The following ZFPM1 variants were observed in gnomAD, a reference collection of about 807,000 sequenced individuals.
The protein encoded by ZFPM1 is zinc finger protein, FOG family member 1.
A neutral mutation model predicts 46.3 loss-of-function variants in ZFPM1; 28 were observed. The ratio of observed to expected loss-of-function variants is 0.60; its 90% CI spans 0.45 to 0.83. ZFPM1 has a LOEUF of 0.83. Among genes scored for constraint, ZFPM1 ranks in the 40% least tolerant of loss-of-function variants. The probability of loss-of-function intolerance (pLI) is 0.00; values close to 1 mark genes in which losing one functional copy is unlikely to be tolerated. For synonymous variants in ZFPM1, 957 were observed against 675.9 expected (o/e 1.42, Z -6.45); for missense variants, 1,878 against 1,432.4 (o/e 1.31, Z -5.02).
intron 3 of ZFPM1, chr16:88,513,131 T>A (rs573611260): frequency 1.7e-4 from 26 of 152,226 alleles, no homozygotes; most frequent in African/African-American, 6.0e-4. Context: ...GGCGGCCTAG[T>A]GGTCAGAGCC....
chr16:88,524,251 G>A lies in ZFPM1; in HGVS notation c.403-2563G>A, dbSNP rs568243498. ...CCAGGCCCCAGCAGCCTCGCCGAGC[G>A]CTGCCCGCCTGGCTCGGGAGCAGCC... On this transcript the variant is annotated intron_variant, in intron 4 of 9. Coordinates refer to ENST00000319555, the MANE Select transcript of ZFPM1 (RefSeq NM_153813.3). 1.9e-4 allele frequency among the ~76,000 whole-genome samples: 29 copies of A among 152,326 alleles called. 1 individual carries two copies. The highest frequency in any genetic ancestry group is 1.4e-3 in the Admixed American group (21 of 15,308).
intron 3 of ZFPM1, among the ~76,000 whole-genome samples, chr16:88,499,245 C>T (rs1910112815): frequency 1.3e-5 from 2 of 152,254 alleles, no homozygotes; most frequent in Non-Finnish European, 1.5e-5. Flanking sequence ...ACCTGGGCCT[C>T]GAAGTCCCGA....
chr16:88,527,574 C>T (rs1031252454), intron 5 of ZFPM1, among the ~76,000 whole-genome samples: 6 of 152,084 alleles, frequency 3.9e-5, no homozygotes, highest in Admixed American at 6.5e-5. Context: ...ACAGCCCGGG[C>T]GCCCCAGGTG....
At chr16:88,463,613 AGAGAGTTTCAAGGTCAGCCCCAGCCCC>A (rs1262228190) in intron 1 of ZFPM1, among the ~76,000 whole-genome samples, 2 of 152,264 alleles carry the variant, frequency 1.3e-5, no homozygotes, top group Non-Finnish European at 2.9e-5. Flanking sequence ...ACTGACGCTT[AGAGAGTTTCAAGGTCAGCCCCAGCCCC>A]GGAGCTTGAG....
upstream of ZFPM1, among the ~76,000 whole-genome samples, chr16:88,451,861 G>T (rs1907294389): frequency 1.3e-5 from 2 of 152,068 alleles, no homozygotes; most frequent in Non-Finnish European, 2.9e-5. Context: ...CATGGCAGTG[G>T]GGAGGGACGG....
chr16:88,535,150 G>A lies in ZFPM1; in HGVS notation c.*171G>A. ...TGGACCCTTGGCACTTAATAAAGAAGTTCAGTTTGATGAGCATGGTGGTGG... is the reference window on the plus strand; with the variant it reads ...TGGACCCTTGGCACTTAATAAAGAAATTCAGTTTGATGAGCATGGTGGTGG... On this transcript the variant is annotated 3_prime_UTR_variant, in exon 10 of 10. Transcript: ENST00000319555. 2 of 803,182 alleles carry A rather than the reference G, an allele frequency of 2.5e-6. No homozygotes were observed. Among genetic ancestry groups the A allele is most frequent in the Non-Finnish European group, 3.4e-6 (2 of 591,770 alleles). 49.8% of individuals were successfully genotyped at this position (803,182 alleles called of 1,614,324 possible). A position where few individuals can be genotyped will look rare whatever the true frequency, so the allele number is the denominator to read the frequency against.
Position 88,532,151 on chromosome 16 carries a change from A to G in ZFPM1, c.862A>G (p.Asn288Asp), listed in dbSNP as rs1223110938. 2 of 1,612,498 alleles carry G rather than the reference A, an allele frequency of 1.2e-6. No homozygotes were observed. Residue 288 changes from asparagine to aspartate, a missense_variant, in exon 7 of 10, where the codon AAC (asparagine) becomes GAC (aspartate). Transcript: ENST00000319555. ...TDEKPKETYP[N>D]ERVCPFPQCR... ...CGAGAAGCCCAAAGAGACCTACCCC[A>G]ACGAGCGCGTCTGCCCCTTCCCCCA...
chr16:88,453,448 C>G lies in ZFPM1; in HGVS notation c.-191C>G, dbSNP rs1228387988. On this transcript the variant is annotated 5_prime_UTR_variant, in exon 1 of 10. Coordinates refer to ENST00000319555, the MANE Select transcript of ZFPM1 (RefSeq NM_153813.3). ...CGCGCCCGCAACGCAGGACCGTGGC[C>G]TCTCGGGCCTCCGCGGCAGCTCCAG... is the stretch of plus-strand genomic sequence containing the variant. 6.4e-6 allele frequency: 1 copy of G among 157,312 alleles called. No homozygotes were observed. Among genetic ancestry groups the G allele is most frequent in the Admixed American group, 6.8e-5 (1 of 14,650 alleles). The allele number at this position is 157,312 out of a possible 1,614,324, so 9.7% of individuals were successfully genotyped here. A position where few individuals can be genotyped will look rare whatever the true frequency, so the allele number is the denominator to read the frequency against.
At position 88,489,049 on chromosome 16, in the gene ZFPM1, C is replaced by T. The variant is rs766562101; in HGVS notation, c.164C>T (p.Pro55Leu). 17 of 1,612,782 alleles carry T rather than the reference C, an allele frequency of 1.1e-5. No individual in the cohort carries two copies. The highest frequency in any genetic ancestry group is 6.7e-5 in the African/African-American group (5 of 74,914). ...TCTGCAGATGTTAACTCACCCCCAC[C>T]GCTGCCGCCCCCCACATCCCCAGGA... ...PPSADVNSPP[P>L]LPPPTSPGGP... is the part of the protein sequence containing the mutation. Residue 55 changes from proline (P) to leucine (L), a missense_variant, in exon 3 of 10, where the codon CCG (proline) becomes CTG (leucine). Pro to Leu is a moderately conservative substitution (Grantham distance 98). Coordinates refer to ENST00000319555, the MANE Select transcript of ZFPM1 (RefSeq NM_153813.3).
chr16:88,458,368 C>T (rs945604687), intron 1 of ZFPM1, among the ~76,000 whole-genome samples: 5 of 152,204 alleles, frequency 3.3e-5, no homozygotes, highest in African/African-American at 7.2e-5. Context: ...GAGGCTCATC[C>T]GGGCCTTCCT....
At chr16:88,502,375 C>T (rs1236842602) in intron 3 of ZFPM1, among the ~76,000 whole-genome samples, 1 of 152,088 alleles carries the variant, frequency 6.6e-6, no homozygotes, top group Non-Finnish European at 1.5e-5. Context: ...GCCCGGGCGC[C>T]GGGCACTCAG....
chr16:88,500,517 G>A (rs1337901361), intron 3 of ZFPM1, among the ~76,000 whole-genome samples: 1 of 152,276 alleles, frequency 6.6e-6, no homozygotes, highest in African/African-American at 2.4e-5. Context: ...ATTAGAGAGT[G>A]CTGCTGCTGG....
intron 1 of ZFPM1, among the ~76,000 whole-genome samples, chr16:88,455,753 C>T (rs1907523600): frequency 6.6e-6 from 1 of 152,196 alleles, no homozygotes; most frequent in Non-Finnish European, 1.5e-5. Flanking sequence ...GAGATAGGCG[C>T]TTCCATTTAT....
At chr16:88,462,654 G>A (rs1597228044) in intron 1 of ZFPM1, among the ~76,000 whole-genome samples, 2 of 152,222 alleles carry the variant, frequency 1.3e-5, no homozygotes, top group African/African-American at 4.8e-5. Context: ...CCTGTGGGCC[G>A]CCATGGTTGG....
At chr16:88,502,218 GGCC>G (rs1042943149) in intron 3 of ZFPM1, among the ~76,000 whole-genome samples, 5 of 152,112 alleles carry the variant, frequency 3.3e-5, no homozygotes, top group African/African-American at 7.2e-5. Flanking sequence ...GGGACAAAGG[GGCC>G]GCCATCGGCT....
intron 1 of ZFPM1, among the ~76,000 whole-genome samples, chr16:88,483,506 A>C (rs555697743): frequency 4.0e-5 from 6 of 149,440 alleles, no homozygotes; most frequent in African/African-American, 7.5e-5. Flanking sequence ...CTGGTCTCAC[A>C]ACAACCACTG....
At chr16:88,452,035 G>T (rs1907302567), upstream of ZFPM1, among the ~76,000 whole-genome samples, 1 of 152,172 alleles carries the variant, frequency 6.6e-6, no homozygotes, top group African/African-American at 2.4e-5. Flanking sequence ...GCTGGCGGGT[G>T]GTGTGACAGT....
Position 88,535,489 on chromosome 16 carries a change from C to G in ZFPM1, c.*510C>G, listed in dbSNP as rs1913208932. ...AGAGAGGGGCACTGACCTGGCTGGC[C>G]ATCCCCCAACCCTGCATGGTCCTGG... On this transcript the variant is annotated 3_prime_UTR_variant, in exon 10 of 10. Transcript: ENST00000319555. The G allele has an allele frequency of 6.6e-6, 1 of 152,514 alleles. No homozygotes were observed. Among genetic ancestry groups the G allele is most frequent in the Non-Finnish European group, 1.5e-5 (1 of 68,224 alleles). The allele number at this position is 152,514 out of a possible 1,614,324, so 9.4% of individuals were successfully genotyped here.
intron 4 of ZFPM1, chr16:88,522,258 C>T (rs1029954776): frequency 6.6e-6 from 1 of 152,396 alleles, no homozygotes; most frequent in Middle Eastern, 3.4e-3. Flanking sequence ...CTTGCATGGT[C>T]GAGGGAGACA....
Sources: allele counts gnomAD v4.1 joint callset (sites outside exome capture counted in the v4.1 genomes callset), GRCh38; gene constraint gnomAD v4.1.1; transcripts MANE v1.5; gene names NCBI Gene and HGNC (gene_info 2026-07-23, HGNC 2026-07-21).